The following EFEMP2 variants were observed in gnomAD, a reference collection of about 807,000 sequenced individuals.
The protein encoded by EFEMP2 is EGF-like fibulin extracellular matrix protein 2, also known as EGF-containing fibulin-like extracellular matrix protein 2.
EFEMP2 carries 21 observed loss-of-function variants against 55.3 expected under a neutral mutation model. That is an observed-to-expected ratio of 0.38 (90% CI 0.27 to 0.55). The LOEUF (loss-of-function observed/expected upper bound fraction) is 0.55, where lower values mean the gene tolerates loss of function less well. Ranked by LOEUF, EFEMP2 falls within the 20% of genes least tolerant of loss-of-function variation. EFEMP2 has a pLI of 0.77. For synonymous variants in EFEMP2, 275 were observed against 242.3 expected, an observed-to-expected ratio of 1.14 and a Z score of -1.25; for missense variants, 513 against 615.1, an observed-to-expected ratio of 0.83 and a Z score of 1.76.
Position 65,869,846 on chromosome 11 carries a change from G to A in EFEMP2, c.727+11C>T, listed in dbSNP as rs369000940. The A allele has an allele frequency of 1.2e-4, 197 of 1,613,620 alleles. 1 individual carries two copies. Among genetic ancestry groups the A allele is most frequent in the Non-Finnish European group, 1.5e-4 (180 of 1,179,974 alleles). ...CCACAGAGGAGTACACAGCAGGGATGGAGCTCTCACCACTGCAGGAGAAGC... is the reference window on the plus strand; with the variant it reads ...CCACAGAGGAGTACACAGCAGGGATAGAGCTCTCACCACTGCAGGAGAAGC... On this transcript the variant is annotated intron_variant, in intron 7 of 10. Coordinates refer to ENST00000307998, the MANE Select transcript of EFEMP2 (RefSeq NM_016938.5).
In EFEMP2 at chr11:65,867,085, G is replaced by C; in HGVS notation, c.1171-6C>G. On this transcript the variant is annotated splice_polypyrimidine_tract_variant and splice_region_variant and intron_variant, in intron 10 of 10. Coordinates refer to ENST00000307998, the MANE Select transcript of EFEMP2 (RefSeq NM_016938.5). ...GCGCTGACGTTGTTGATTTGCTGCA[G>C]GGCAGTGGGTGGGGGGACATATATA... The C allele has an allele frequency of 6.2e-7, 1 of 1,613,982 alleles. No homozygotes were observed.
chr11:65,870,649 T>A lies in EFEMP2; in HGVS notation c.377A>T (p.Glu126Val), dbSNP rs193302869. 6.2e-7 allele frequency: 1 copy of A among 1,613,990 alleles called. No individual in the cohort carries two copies. The highest frequency in any genetic ancestry group is 8.5e-7 in the Non-Finnish European group (1 of 1,180,004). ...DDQDSCVDVD[E>V]CAQALHDCRP... ...ACAGTCGTGCAGGGCCTGGGCACAC[T>A]CGTCCACATCTGCGAGAGACACCAC... The change falls in exon 5 of 11, where the codon GAG (glutamate) becomes GTG (valine). Residue 126 changes from glutamate (E) to valine (V), a missense_variant. Transcript: ENST00000307998.
In EFEMP2 at chr11:65,872,261, C is replaced by G. The variant is rs1315301524; in HGVS notation, c.94G>C (p.Glu32Gln). 3 of 1,551,500 alleles carry G rather than the reference C, an allele frequency of 1.9e-6. No homozygotes were observed. Among genetic ancestry groups the G allele is most frequent in the Non-Finnish European group, 2.6e-6 (3 of 1,146,972 alleles). The change falls in exon 2 of 11, where the codon GAG becomes CAG. Residue 32 changes from glutamate to glutamine, a missense_variant. Physicochemically the swap from Glu to Gln is conservative, Grantham distance 29. Transcript: ENST00000307998. Reference sequence around the variant, plus strand: ...GTCCCCACCGTGTAGCTGTCGGGCTCTTCAGAATCCTGAGGAGAAGCTGAT... The same window carrying G: ...GTCCCCACCGTGTAGCTGTCGGGCTGTTCAGAATCCTGAGGAGAAGCTGAT... ...LGSASPQDSE[E>Q]PDSYTECTDG... is the part of the protein sequence containing the mutation.
chr11:65,871,266 G>A lies in EFEMP2; in HGVS notation c.258C>T (p.Ala86=), dbSNP rs143873931. The A allele has an allele frequency of 1.6e-4, 253 of 1,614,016 alleles. No homozygotes were observed. The highest frequency in any genetic ancestry group is 4.4e-4 in the African/African-American group (33 of 75,030). ...GGYLCLPRSA[A]VINDLHGEGP... Reference sequence around the variant, plus strand: ...CCTCGCCGTGTAGGTCGTTGATGACGGCAGCGGAGCGGGGCAGGCACAAGT... The same window carrying A: ...CCTCGCCGTGTAGGTCGTTGATGACAGCAGCGGAGCGGGGCAGGCACAAGT... The change falls in exon 4 of 11, where the codon GCC becomes GCT. Residue 86 remains alanine (A), a synonymous_variant. Transcript: ENST00000307998.
chr11:65,867,053 C>T lies in EFEMP2; in HGVS notation c.1197G>A (p.Leu399=), dbSNP rs1449748991. The change falls in exon 11 of 11, where the codon CTG becomes CTA. Residue 399 remains leucine, a synonymous_variant. Coordinates refer to ENST00000307998, the MANE Select transcript of EFEMP2 (RefSeq NM_016938.5). The part of the protein sequence containing the change: ...IRQINNVSAM[L]VLARPVTGPR... ...GGCCCGTCACCGGCCGGGCGAGGAC[C>T]AGCATGGCGCTGACGTTGTTGATTT... The T allele has an allele frequency of 1.2e-6, 2 of 1,614,152 alleles. No homozygotes were observed. Among genetic ancestry groups the T allele is most frequent in the Non-Finnish European group, 1.7e-6 (2 of 1,180,016 alleles).
In EFEMP2 at chr11:65,868,354, C is replaced by T. The variant is rs1859901089; in HGVS notation, c.915G>A (p.Gly305=). 6.2e-7 allele frequency: 1 copy of T among 1,613,896 alleles called. No individual in the cohort carries two copies. The highest frequency in any genetic ancestry group is 8.5e-7 in the Non-Finnish European group (1 of 1,180,024). The stretch of plus-strand genomic sequence containing the variant: ...GGTTGGTGTCCACGCAGCGGTAGCC[C>T]CCATGGAAGTTGACACAGGTTTGGG... The part of the protein sequence containing the change: ...SEAQTCVNFH[G]GYRCVDTNRC... Residue 305 remains glycine, a synonymous_variant, in exon 9 of 11, where the codon GGG becomes GGA. Transcript: ENST00000307998.
intron 1 of EFEMP2, 157 bp from the exon 2 acceptor site, chr11:65,872,518 T>TCCCAGGCCCGGGTCCCAGGC: frequency 1.8e-6 from 1 of 552,784 alleles, no homozygotes; most frequent in South Asian, 2.1e-5. Context: ...CAGGCCCAGG[T>TCCCAGGCCCGGGTCCCAGGC]CCCAGGCCCG....
chr11:65,869,849 G>A lies in EFEMP2; in HGVS notation c.727+8C>T. On this transcript the variant is annotated splice_region_variant and intron_variant, in intron 7 of 10. Transcript: ENST00000307998. ...CAGAGGAGTACACAGCAGGGATGGA[G>A]CTCTCACCACTGCAGGAGAAGCCAT... The A allele has an allele frequency of 6.2e-7, 1 of 1,613,814 alleles. No individual in the cohort carries two copies. Among genetic ancestry groups the A allele is most frequent in the South Asian group, 1.1e-5 (1 of 91,084 alleles).
intron 4 of EFEMP2, 104 bp from the exon 5 acceptor site, chr11:65,870,762 A>G: frequency 1.3e-6 from 2 of 1,563,922 alleles, no homozygotes; most frequent in Non-Finnish European, 1.7e-6. Context: ...CACGCGTAAG[A>G]GTTCACCAGC....
intron 10 of EFEMP2, 34 bp downstream of exon 10, chr11:65,867,823 AGATT>A (rs749974931): frequency 6.2e-7 from 1 of 1,609,878 alleles, no homozygotes; most frequent in Non-Finnish European, 8.5e-7. Flanking sequence ...GTTCAGTTTT[AGATT>A]GTGCATGTCA....
chr11:65,870,695 C>T (rs1213690279), intron 4 of EFEMP2, 37 bp from the exon 5 acceptor site: 8 of 1,613,278 alleles, frequency 5.0e-6, no homozygotes, highest in East Asian at 2.2e-5. Flanking sequence ...CCTGGGATCC[C>T]GCACACCACC....
rs748261483 is a variant in EFEMP2, at chr11:65,866,845, C to T, written c.*73G>A. The T allele has an allele frequency of 3.8e-6, 6 of 1,579,348 alleles. No individual in the cohort carries two copies. Among genetic ancestry groups the T allele is most frequent in the Non-Finnish European group, 5.2e-6 (6 of 1,152,182 alleles). ...AGGACTTTCTTTCTCCCTTTATTGC[C>T]TTTCTCATTCTGCCCCTCACAACAG... On this transcript the variant is annotated 3_prime_UTR_variant, in exon 11 of 11. Coordinates refer to ENST00000307998, the MANE Select transcript of EFEMP2 (RefSeq NM_016938.5).
rs140946753 is a variant in EFEMP2, at chr11:65,872,256, G to A, written c.99C>T (p.Pro33=). 7.2e-5 allele frequency: 111 copies of A among 1,551,406 alleles called. No homozygotes were observed. The African/African-American group carries it at 1.1e-3, about 16-fold the overall frequency. ...TCACTGTCCCCACCGTGTAGCTGTCGGGCTCTTCAGAATCCTGAGGAGAAG... is the reference window on the plus strand; with the variant it reads ...TCACTGTCCCCACCGTGTAGCTGTCAGGCTCTTCAGAATCCTGAGGAGAAG... ...GSASPQDSEE[P]DSYTECTDGY... is the part of the protein sequence containing the mutation. Residue 33 remains proline (P), a synonymous_variant, in exon 2 of 11, where the codon CCC becomes CCT. Coordinates refer to ENST00000307998, the MANE Select transcript of EFEMP2 (RefSeq NM_016938.5).
intron 10 of EFEMP2, chr11:65,867,334 C>T (rs956609075): frequency 5.3e-6 from 3 of 561,454 alleles, no homozygotes; most frequent in South Asian, 2.0e-5. Context: ...GGCTAACTGA[C>T]GATTCAAGGC....
intron 7 of EFEMP2, 120 bp from the exon 8 acceptor site, chr11:65,868,749 A>C: frequency 7.1e-7 from 1 of 1,405,242 alleles, no homozygotes; most frequent in South Asian, 1.2e-5. Flanking sequence ...ACAGAGGGGG[A>C]TGAGACAAGC....
At chr11:65,867,270 G>C (rs1859868516) in intron 10 of EFEMP2, 191 bp from the exon 11 acceptor site, 1 of 647,764 alleles carries the variant, frequency 1.5e-6, no homozygotes, top group Admixed American at 2.7e-5. Context: ...CCTGCCCTCA[G>C]AAATCTCCTG....
Position 65,866,774 on chromosome 11 carries a change from C to G in EFEMP2, c.*144G>C. ...CCTGCCCCCCCAAGTGCCACCCTGC[C>G]CCAGCCTGAGGCTTCCTGCAGTGTG... is the stretch of plus-strand genomic sequence containing the variant. On this transcript the variant is annotated 3_prime_UTR_variant, in exon 11 of 11. Transcript: ENST00000307998. The G allele has an allele frequency of 5.4e-6, 6 of 1,105,832 alleles. No individual in the cohort carries two copies. Among genetic ancestry groups the G allele is most frequent in the Non-Finnish European group, 8.0e-6 (6 of 745,880 alleles). The allele number at this position is 1,105,832 out of a possible 1,614,324, so 68.5% of individuals were successfully genotyped here. A position where few individuals can be genotyped will look rare whatever the true frequency, so the allele number is the denominator to read the frequency against.
At position 65,867,053 on chromosome 11, in the gene EFEMP2, C is replaced by A. The variant is rs1449748991; in HGVS notation, c.1197G>T (p.Leu399=). ...IRQINNVSAM[L]VLARPVTGPR... ...GGCCCGTCACCGGCCGGGCGAGGAC[C>A]AGCATGGCGCTGACGTTGTTGATTT... Residue 399 remains leucine, a synonymous_variant, in exon 11 of 11, where the codon CTG becomes CTT. Transcript: ENST00000307998. The A allele has an allele frequency of 1.9e-6, 3 of 1,614,152 alleles. No homozygotes were observed. Among genetic ancestry groups the A allele is most frequent in the Admixed American group, 3.3e-5 (2 of 60,030 alleles).
chr11:65,867,138 G>A, intron 10 of EFEMP2, 59 bp from the exon 11 acceptor site: 1 of 1,604,366 alleles, frequency 6.2e-7, no homozygotes, highest in African/African-American at 1.3e-5. Flanking sequence ...CTAGGCCCCT[G>A]CCCCAGCGTC....
Sources: gnomAD v4.1 joint callset for allele counts on GRCh38, gnomAD v4.1.1 for gene constraint, MANE v1.5 for transcripts, NCBI Gene and HGNC (gene_info 2026-07-23, HGNC 2026-07-21) for gene names.